The following TMPRSS2 variants were observed in gnomAD, a reference collection of about 807,000 sequenced individuals.
The protein encoded by TMPRSS2 is transmembrane serine protease 2, also known as transmembrane protease serine 2.
In TMPRSS2, 59 loss-of-function variants were observed where a neutral mutation model predicts 67.4. The observed-to-expected ratio is 0.88, with a 90% CI of 0.71 to 1.09. TMPRSS2 has a LOEUF of 1.09. Ranked by LOEUF, TMPRSS2 falls within the 50% of genes least tolerant of loss-of-function variation. The pLI, the probability that TMPRSS2 is intolerant of heterozygous loss-of-function variation, is 0.00. For missense variants in TMPRSS2, 668 were observed against 642.7 expected, an observed-to-expected ratio of 1.04 and a Z score of -0.43; for synonymous variants, 257 against 257.0, an observed-to-expected ratio of 1.00 and a Z score of 0.00.
rs2091249411 is a variant in TMPRSS2 at position 41,480,595 on chromosome 21, G to A, written c.453C>T (p.Leu151=). Residue 151 remains leucine, a synonymous_variant, in exon 6 of 14, where the codon CTC becomes CTT. Transcript: ENST00000332149. ...GGEDENRCVR[L]YGPNFILQVY... is the part of the protein sequence containing the mutation. ...CCTGAAGGATGAAGTTTGGTCCGTAGAGGCGAACTGCACGAGAGGGAGGAT... is the reference window on the plus strand; with the variant it reads ...CCTGAAGGATGAAGTTTGGTCCGTAAAGGCGAACTGCACGAGAGGGAGGAT... 13 of 1,613,550 alleles carry A rather than the reference G, an allele frequency of 8.1e-6. No individual in the cohort carries two copies. Among genetic ancestry groups the A allele is most frequent in the Non-Finnish European group, 1.0e-5 (12 of 1,180,024 alleles).
chr21:41,481,404 T>C (rs2091256233), intron 5 of TMPRSS2, among the ~76,000 whole-genome samples: 1 of 152,194 alleles, frequency 6.6e-6, no homozygotes, highest in East Asian at 1.9e-4. Flanking sequence ...CCCGCTCACA[T>C]GGAATGCCTA....
chr21:41,473,627 T>A, intron 8 of TMPRSS2, 131 bp from the exon 9 acceptor site: 2 of 1,047,336 alleles, frequency 1.9e-6, no homozygotes, highest in East Asian at 5.3e-5. Context: ...GGGATGGACT[T>A]AGGGGGCTCC....
At chr21:41,499,772 G>A (rs1009380245) in intron 1 of TMPRSS2, among the ~76,000 whole-genome samples, 15 of 152,078 alleles carry the variant, frequency 9.9e-5, no homozygotes, top group Admixed American at 5.9e-4. Flanking sequence ...AATAAAGTTC[G>A]CTTCACCATT....
intron 1 of TMPRSS2, among the ~76,000 whole-genome samples, chr21:41,499,346 T>C (rs3761374): frequency 0.12 from 18,231 of 152,258 alleles, 1,453 homozygotes; most frequent in Non-Finnish European, 0.17. Flanking sequence ...TGGACAAAGA[T>C]TCTTCGCTTG....
chr21:41,488,322 A>G (rs1292944552), intron 5 of TMPRSS2, 72 bp downstream of exon 5: 6 of 1,564,492 alleles, frequency 3.8e-6, no homozygotes, highest in Non-Finnish European at 5.2e-6. Context: ...CAGTCACCCA[A>G]AGGCCCCTGG....
chr21:41,472,300 T>C (rs1179072383), intron 9 of TMPRSS2, among the ~76,000 whole-genome samples: 1 of 152,214 alleles, frequency 6.6e-6, no homozygotes, highest in African/African-American at 2.4e-5. Context: ...GGCCCTTATT[T>C]TCCTTTGTAC....
chr21:41,483,510 G>C (rs990005383), intron 5 of TMPRSS2, among the ~76,000 whole-genome samples: 1 of 151,962 alleles, frequency 6.6e-6, no homozygotes, highest in Non-Finnish European at 1.5e-5. Context: ...TCGAACTCCT[G>C]ACCTCAGGCG....
intron 2 of TMPRSS2, among the ~76,000 whole-genome samples, chr21:41,496,735 C>T (rs1340875460): frequency 6.6e-6 from 1 of 151,920 alleles, no homozygotes; most frequent in African/African-American, 2.4e-5. Flanking sequence ...GGCTGGGCCA[C>T]TCTGGGAGGC....
chr21:41,494,069 T>C (rs1004458309), intron 3 of TMPRSS2, among the ~76,000 whole-genome samples: 3 of 152,166 alleles, frequency 2.0e-5, no homozygotes, highest in Non-Finnish European at 4.4e-5. Flanking sequence ...CCAGAGAAGG[T>C]GATCTCGAAG....
intron 1 of TMPRSS2, among the ~76,000 whole-genome samples, chr21:41,503,516 C>A (rs973993933): frequency 2.0e-5 from 3 of 152,182 alleles, no homozygotes; most frequent in African/African-American, 7.2e-5. Flanking sequence ...TATCTTCCAA[C>A]ACGTAAGAGC....
chr21:41,468,617 C>T, intron 11 of TMPRSS2, 79 bp from the exon 12 acceptor site: 1 of 1,526,570 alleles, frequency 6.6e-7, no homozygotes, highest in Non-Finnish European at 8.9e-7. Context: ...TCCCTGAGAC[C>T]TCCACACGCA....
At chr21:41,501,582 C>T (rs534924497) in intron 1 of TMPRSS2, among the ~76,000 whole-genome samples, 1 of 134,600 alleles carries the variant, frequency 7.4e-6, no homozygotes, top group Admixed American at 8.2e-5. Context: ...GCACTCCAGC[C>T]TGGGTGACAG....
intron 5 of TMPRSS2, among the ~76,000 whole-genome samples, chr21:41,484,151 C>T (rs1006407121): frequency 2.0e-5 from 3 of 152,132 alleles, no homozygotes; most frequent in Non-Finnish European, 4.4e-5. Context: ...TTAATGTGTA[C>T]AGCGTGATGA....
intron 1 of TMPRSS2, among the ~76,000 whole-genome samples, chr21:41,507,489 G>A (rs879680372): frequency 6.6e-6 from 1 of 152,258 alleles, no homozygotes; most frequent in South Asian, 2.1e-4. Flanking sequence ...TCGCCCGGGG[G>A]CCCTCCAGCA....
rs916789231 is a variant in TMPRSS2 at position 41,464,851 on chromosome 21, A to C, written c.*1291T>G. ...ACTTTCCATTTCAAGGTTAAGTCCT[A>C]GCTGTAGAATCATTCATTTCATTCT... On this transcript the variant is annotated 3_prime_UTR_variant, in exon 14 of 14. Transcript: ENST00000332149. 8.6e-6 allele frequency: 2 copies of C among 233,192 alleles called. No homozygotes were observed. Among genetic ancestry groups the C allele is most frequent in the Admixed American group, 1.1e-4 (2 of 17,782 alleles). The allele number at this position is 233,192 out of a possible 1,614,324, so 14.4% of individuals were successfully genotyped here. A position where few individuals can be genotyped will look rare whatever the true frequency, so the allele number is the denominator to read the frequency against.
In TMPRSS2 at chr21:41,507,821, G is replaced by A. The variant is rs1420295996; in HGVS notation, c.-57+260C>T. 2.0e-5 allele frequency: 22 copies of A among 1,099,254 alleles called. No individual in the cohort carries two copies. In the South Asian group the frequency reaches 3.4e-4, roughly 17 times the overall value. 68.1% of individuals were successfully genotyped at this position (1,099,254 alleles called of 1,614,324 possible). Reference sequence around the variant, plus strand: ...GGACCACCTGCCCCAACCTCGCGATGCCAAGCCAACAGGGGCGGCGAGGGC... The same window carrying A: ...GGACCACCTGCCCCAACCTCGCGATACCAAGCCAACAGGGGCGGCGAGGGC... On this transcript the variant is annotated intron_variant, in intron 1 of 13. Transcript: ENST00000332149.
intron 1 of TMPRSS2, among the ~76,000 whole-genome samples, chr21:41,505,174 T>C (rs1478193531): frequency 1.3e-5 from 2 of 152,120 alleles, no homozygotes; most frequent in African/African-American, 4.8e-5. Context: ...TCTACCTCAA[T>C]GTCCAAGGCT....
chr21:41,488,884 A>C (rs954839494), intron 4 of TMPRSS2, among the ~76,000 whole-genome samples: 24 of 152,288 alleles, frequency 1.6e-4, no homozygotes, highest in East Asian at 9.7e-4. Context: ...CAGGTGGTCC[A>C]CCTGCCTTGG....
At chr21:41,467,572 TGGA>T (rs977975875) in intron 13 of TMPRSS2, among the ~76,000 whole-genome samples, 159 bp downstream of exon 13, 4 of 151,978 alleles carry the variant, frequency 2.6e-5, no homozygotes, top group African/African-American at 9.7e-5. Context: ...GGGCAATGGG[TGGA>T]CACTGGGGGG....
Sources: gnomAD v4.1 joint callset for allele counts (sites outside exome capture counted in the v4.1 genomes callset) on GRCh38, gnomAD v4.1.1 for gene constraint, MANE v1.5 for transcripts, NCBI Gene and HGNC (gene_info 2026-07-23, HGNC 2026-07-21) for gene names.